CDH18: variants seen among roughly 807,000 people sequenced by gnomAD.
CDH18 encodes cadherin 18.
Under a neutral mutation model 67.9 loss-of-function variants are expected in CDH18, and 31 were observed. That is an observed-to-expected ratio of 0.46 (90% CI 0.34 to 0.62). The LOEUF (loss-of-function observed/expected upper bound fraction) is 0.62. Among genes scored for constraint, CDH18 ranks in the 20% least tolerant of loss-of-function variants. CDH18 has a pLI of 0.01. For missense variants in CDH18, 890 were observed against 975.5 expected (o/e 0.91, Z 1.17); for synonymous variants, 362 against 347.2 (o/e 1.04, Z -0.48).
At position 20,493,356 on chromosome 5, in the gene CDH18, T is replaced by TAAAAAAAAAAAAA. The variant is rs148292031; in HGVS notation, c.-580+82093_-580+82105dup. Among the ~76,000 whole-genome samples, 437 of 47,172 alleles carry TAAAAAAAAAAAAA rather than the reference T, an allele frequency of 9.3e-3. 8 individuals are homozygous for TAAAAAAAAAAAAA. The highest frequency in any genetic ancestry group is 0.012 in the Non-Finnish European group (343 of 28,676). The allele number at this position is 47,172 out of a possible 152,430, so 30.9% of individuals were successfully genotyped here. ...AGGGCAAGACTCTGTTTCAGAAAAT[T>TAAAAAAAAAAAAA]AAAAAAAAAAAAAAAAAAAAAAAAA... On this transcript the variant is annotated intron_variant, in intron 1 of 14. Coordinates refer to the CDH18 transcript ENST00000507958.
intron 2 of CDH18, among the ~76,000 whole-genome samples, chr5:19,929,367 G>C (rs746214344): frequency 6.6e-6 from 1 of 152,038 alleles, no homozygotes; most frequent in African/African-American, 2.4e-5. Context: ...ATATGCAGAG[G>C]ACACAGCAAG....
At chr5:19,534,707 C>G (rs1186963183) in intron 9 of CDH18, among the ~76,000 whole-genome samples, 2 of 152,060 alleles carry the variant, frequency 1.3e-5, no homozygotes, top group African/African-American at 4.8e-5. Context: ...ACCAATTATT[C>G]CAGCCTGGTA....
intron 1 of CDH18, among the ~76,000 whole-genome samples, chr5:20,503,910 C>T (rs755412719): frequency 1.5e-4 from 23 of 151,734 alleles, no homozygotes; most frequent in Non-Finnish European, 3.2e-4. Flanking sequence ...TGGTGGCAGG[C>T]GCCTGTAGTC....
intron 9 of CDH18, among the ~76,000 whole-genome samples, chr5:19,526,347 G>C (rs148875576): frequency 6.6e-6 from 1 of 152,142 alleles, no homozygotes; most frequent in South Asian, 2.1e-4. Flanking sequence ...CATGTCATCA[G>C]AGTGCCCCCT....
At chr5:19,748,001 T>G (rs1770277174) in intron 3 of CDH18, among the ~76,000 whole-genome samples, 1 of 148,236 alleles carries the variant, frequency 6.7e-6, no homozygotes, top group African/African-American at 2.5e-5. Context: ...TAGTCCCAGC[T>G]ACTCGGGGGG....
chr5:20,270,099 A>T (rs1441582314), intron 1 of CDH18, among the ~76,000 whole-genome samples: 1 of 152,034 alleles, frequency 6.6e-6, no homozygotes, highest in Non-Finnish European at 1.5e-5. Context: ...TCAATGTAAA[A>T]CAATACATAA....
intron 2 of CDH18, among the ~76,000 whole-genome samples, chr5:19,941,008 G>A (rs999860156): frequency 6.6e-6 from 1 of 152,146 alleles, no homozygotes; most frequent in Non-Finnish European, 1.5e-5. Context: ...TTCAGAGAGA[G>A]TAAAGTCTTT....
intron 1 of CDH18, among the ~76,000 whole-genome samples, chr5:20,339,519 A>T (rs1337737963): frequency 6.6e-6 from 1 of 151,996 alleles, no homozygotes; most frequent in East Asian, 1.9e-4. Context: ...GGGAGGCGGG[A>T]ATCCCTGGAA....
chr5:19,759,967 C>CT (rs1388550722), intron 3 of CDH18, among the ~76,000 whole-genome samples: 1 of 152,062 alleles, frequency 6.6e-6, no homozygotes, highest in African/African-American at 2.4e-5. Context: ...AAGTTTTCTG[C>CT]TTGTATAAAT....
In CDH18 at chr5:20,427,975, C is replaced by T. The variant is rs540820235; in HGVS notation, c.-580+147487G>A. Among the ~76,000 whole-genome samples the T allele has an allele frequency of 4.2e-4, 63 of 151,028 alleles. 1 individual carries two copies. The South Asian group carries it at 6.4e-3, about 15-fold the overall frequency. Reference sequence around the variant, plus strand: ...TAAGTTCTAGGATACATGTGCAGAACGTGCAGGTTTGTTACATAGGTATAC... The same window carrying T: ...TAAGTTCTAGGATACATGTGCAGAATGTGCAGGTTTGTTACATAGGTATAC... On this transcript the variant is annotated intron_variant, in intron 1 of 14. Coordinates refer to the CDH18 transcript ENST00000507958.
chr5:20,510,964 T>C (rs1177430715), intron 1 of CDH18, among the ~76,000 whole-genome samples: 1 of 152,138 alleles, frequency 6.6e-6, no homozygotes, highest in African/African-American at 2.4e-5. Context: ...TTTTAACAAA[T>C]GGTATTGGAA....
intron 3 of CDH18, among the ~76,000 whole-genome samples, chr5:19,799,435 AACACACACACAC>A (rs10545142): frequency 1.3e-4 from 18 of 143,794 alleles, no homozygotes; most frequent in African/African-American, 2.6e-4. Flanking sequence ...AAATATTCTC[AACACACACACAC>A]ACACACACAC....
chr5:19,523,539 T>C (rs1747258206), intron 9 of CDH18, among the ~76,000 whole-genome samples: 1 of 100,470 alleles, frequency 1.0e-5, no homozygotes, highest in Non-Finnish European at 2.0e-5. Flanking sequence ...CAACAGTTAA[T>C]AGGAGATAAT....
chr5:20,398,179 TTTA>T (rs1303335781), intron 1 of CDH18, among the ~76,000 whole-genome samples: 1 of 152,102 alleles, frequency 6.6e-6, no homozygotes, highest in African/African-American at 2.4e-5. Flanking sequence ...TTTCCCTCAG[TTTA>T]TTAAGTGTGT....
intron 3 of CDH18, among the ~76,000 whole-genome samples, chr5:19,798,283 C>A (rs574057005): frequency 3.3e-5 from 5 of 151,974 alleles, no homozygotes; most frequent in African/African-American, 1.2e-4. Flanking sequence ...CTCTTAAAAT[C>A]TAGTTGTGAA....
intron 2 of CDH18, among the ~76,000 whole-genome samples, chr5:20,025,438 A>C (rs1039562144): frequency 6.6e-6 from 1 of 152,204 alleles, no homozygotes; most frequent in Non-Finnish European, 1.5e-5. Context: ...CAGTATTTCC[A>C]ATAATTCTAC....
intron 2 of CDH18, among the ~76,000 whole-genome samples, chr5:19,901,950 C>G (rs1185813792): frequency 2.0e-5 from 3 of 151,868 alleles, no homozygotes; most frequent in Non-Finnish European, 4.4e-5. Context: ...CTGAAAACAT[C>G]ATGATACTCT....
At chr5:19,530,976 C>G (rs895379048) in intron 9 of CDH18, among the ~76,000 whole-genome samples, 1 of 152,174 alleles carries the variant, frequency 6.6e-6, no homozygotes, top group Non-Finnish European at 1.5e-5. Flanking sequence ...CACCCACTGT[C>G]TGGCACTCCC....
At position 19,471,769 on chromosome 5, in the gene CDH18, G is replaced by A. The variant is rs1200355611; in HGVS notation, c.*1457C>T. On this transcript the variant is annotated 3_prime_UTR_variant, in exon 13 of 13. Coordinates refer to ENST00000382275, the MANE Select transcript of CDH18 (RefSeq NM_004934.5). The stretch of plus-strand genomic sequence containing the variant: ...ATTGTGTACATATATTTAAACAGTA[G>A]CTTCACTGTTGAAGATTTCATGAAA... Among the ~76,000 whole-genome samples, 4 of 152,108 alleles carry A rather than the reference G, an allele frequency of 2.6e-5. No homozygotes were observed. Among genetic ancestry groups the A allele is most frequent in the Admixed American group, 6.6e-5 (1 of 15,266 alleles).
Sources: gnomAD v4.1 joint callset for allele counts (sites outside exome capture counted in the v4.1 genomes callset) on GRCh38, gnomAD v4.1.1 for gene constraint, MANE v1.5 for transcripts, NCBI Gene and HGNC (gene_info 2026-07-23, HGNC 2026-07-21) for gene names.